The following PTPRK variants were observed in gnomAD, a reference collection of about 807,000 sequenced individuals.
PTPRK encodes the protein receptor-type tyrosine-protein phosphatase kappa.
PTPRK carries 75 observed loss-of-function variants against 178.0 expected under a neutral mutation model. The observed-to-expected ratio is 0.42, with a 90% CI of 0.35 to 0.51. PTPRK has a LOEUF of 0.51. Among genes scored for constraint, PTPRK ranks in the 20% least tolerant of loss-of-function variants. The pLI, the probability that PTPRK is intolerant of heterozygous loss-of-function variation, is 0.02. For synonymous variants in PTPRK, 637 were observed against 620.6 expected, an observed-to-expected ratio of 1.03 and a Z score of -0.39; for missense variants, 1,441 against 1,797.8, an observed-to-expected ratio of 0.80 and a Z score of 3.59.
At chr6:128,428,593 G>A (rs1844457880) in intron 1 of PTPRK, among the ~76,000 whole-genome samples, 2 of 152,120 alleles carry the variant, frequency 1.3e-5, no homozygotes, top group East Asian at 3.9e-4. Flanking sequence ...GTGAAGATCT[G>A]TGGTAAATAG....
chr6:127,985,896 A>G (rs748284005), intron 21 of PTPRK, 21 bp from the exon 22 acceptor site: 5 of 1,588,626 alleles, frequency 3.1e-6, no homozygotes, highest in Non-Finnish European at 4.3e-6. Context: ...ATGGAAAGAA[A>G]TGTTTTCAAA....
At chr6:128,159,150 A>AAAC (rs570725420) in intron 7 of PTPRK, among the ~76,000 whole-genome samples, 2 of 151,826 alleles carry the variant, frequency 1.3e-5, no homozygotes, top group Non-Finnish European at 2.9e-5. Flanking sequence ...ATTCAGTATA[A>AAAC]AACAACAACA....
In PTPRK at chr6:128,071,448, G is replaced by A. The variant is rs148818238; in HGVS notation, c.1884-3656C>T. ...TCTATAACATCACCCAGAAATACCC[G>A]TTTCAGTTTAAAATCTTGATATACA... On this transcript the variant is annotated intron_variant, in intron 11 of 29. Transcript: ENST00000368226. 1.1e-4 allele frequency among the ~76,000 whole-genome samples: 16 copies of A among 151,994 alleles called. No homozygotes were observed. In the East Asian group the frequency reaches 1.5e-3, roughly 15 times the overall value.
intron 1 of PTPRK, among the ~76,000 whole-genome samples, chr6:128,422,306 G>C (rs1426207534): frequency 6.6e-6 from 1 of 152,054 alleles, no homozygotes; most frequent in Non-Finnish European, 1.5e-5. Context: ...TATAACTACT[G>C]TGAAAGCTGA....
chr6:128,240,058 C>T lies in PTPRK; in HGVS notation c.670G>A (p.Val224Met), dbSNP rs767288000. 6.2e-7 allele frequency: 1 copy of T among 1,613,932 alleles called. No individual in the cohort carries two copies. Among genetic ancestry groups the T allele is most frequent in the Non-Finnish European group, 8.5e-7 (1 of 1,179,930 alleles). Reference protein sequence around the residue: ...FQCIATGRDAVHNKLWLQRRN... With the variant: ...FQCIATGRDAMHNKLWLQRRN... ...ACCTGGAGCCATAACTTGTTATGCA[C>T]AGCATCTCTCCCTGTGGCAATGCAC... Residue 224 changes from valine to methionine, a missense_variant, in exon 5 of 30, where the codon GTG (valine) becomes ATG (methionine). Coordinates refer to ENST00000368226, the MANE Select transcript of PTPRK (RefSeq NM_002844.4).
intron 13 of PTPRK, among the ~76,000 whole-genome samples, chr6:128,041,495 G>T (rs1478277545): frequency 6.6e-6 from 1 of 151,910 alleles, no homozygotes; most frequent in East Asian, 1.9e-4. Flanking sequence ...GGCCAAACTG[G>T]ATTTTAATAC....
Position 128,067,611 on chromosome 6 carries a change from C to T in PTPRK, c.2065G>A (p.Asp689Asn). The T allele has an allele frequency of 6.2e-7, 1 of 1,613,426 alleles. No homozygotes were observed. The highest frequency in any genetic ancestry group is 8.5e-7 in the Non-Finnish European group (1 of 1,179,538). The stretch of plus-strand genomic sequence containing the variant: ...CAAAAGCCTTGGTAGGTCCGATTGT[C>T]ACCCACAGTGAACGGGGCAGGCTCA... The part of the protein sequence containing the change: ...LPEPAPFTVG[D>N]NRTYQGFWNP... The change falls in exon 12 of 30, where the codon GAC becomes AAC. Residue 689 changes from aspartate to asparagine, a missense_variant. Coordinates refer to ENST00000368226, the MANE Select transcript of PTPRK (RefSeq NM_002844.4).
intron 7 of PTPRK, among the ~76,000 whole-genome samples, chr6:128,175,343 A>C (rs1285084746): frequency 6.6e-6 from 1 of 151,858 alleles, no homozygotes; most frequent in Non-Finnish European, 1.5e-5. Context: ...TACTTTCAAA[A>C]AGTAGTTGAA....
chr6:128,225,009 C>T (rs1241442061), intron 5 of PTPRK, among the ~76,000 whole-genome samples: 1 of 152,104 alleles, frequency 6.6e-6, no homozygotes, highest in African/African-American at 2.4e-5. Context: ...CTATTACTTT[C>T]AGCTTGAAAG....
chr6:128,517,556 T>C (rs1357114196), intron 1 of PTPRK, among the ~76,000 whole-genome samples: 1 of 152,190 alleles, frequency 6.6e-6, no homozygotes, highest in Non-Finnish European at 1.5e-5. Context: ...TTACAGAACG[T>C]TCTGGTTTTA....
At chr6:128,234,602 C>T (rs192341841) in intron 5 of PTPRK, among the ~76,000 whole-genome samples, 2 of 152,208 alleles carry the variant, frequency 1.3e-5, no homozygotes, top group African/African-American at 4.8e-5. Context: ...TGTCTGTCCT[C>T]TTTCCAAAAC....
Position 128,397,665 on chromosome 6 carries a change from G to C in PTPRK, c.124C>G (p.Pro42Ala), listed in dbSNP as rs1216983087. ...TCCTGGTGGTAATCACAGGCCCCTG[G>C]ACCATCATCAAAAGTACAGCCACCT... ...SAGGCTFDDG[P>A]GACDYHQDLY... Residue 42 changes from proline (P) to alanine (A), a missense_variant, in exon 2 of 30, where the codon CCA becomes GCA. Around this residue, in one of 4 missense-constraint regions of PTPRK, gnomAD observed 158 missense variants for 188.0 expected, o/e 0.84. Coordinates refer to ENST00000368226, the MANE Select transcript of PTPRK (RefSeq NM_002844.4). 6.2e-7 allele frequency: 1 copy of C among 1,613,020 alleles called. No individual in the cohort carries two copies. Among genetic ancestry groups the C allele is most frequent in the East Asian group, 2.2e-5 (1 of 44,856 alleles).
At chr6:128,213,685 G>A (rs190483824) in intron 6 of PTPRK, among the ~76,000 whole-genome samples, 2 of 152,070 alleles carry the variant, frequency 1.3e-5, no homozygotes, top group Admixed American at 6.6e-5. Context: ...GCTTGCTAAA[G>A]GTCTCAAGCT....
At chr6:128,427,310 C>A (rs924228320) in intron 1 of PTPRK, among the ~76,000 whole-genome samples, 4 of 152,124 alleles carry the variant, frequency 2.6e-5, no homozygotes, top group Non-Finnish European at 1.5e-5. Context: ...AATGACAGTT[C>A]CAAGATTTCA....
intron 2 of PTPRK, among the ~76,000 whole-genome samples, chr6:128,376,151 C>G (rs1837041238): frequency 6.6e-6 from 1 of 152,166 alleles, no homozygotes; most frequent in Admixed American, 6.5e-5. Flanking sequence ...CAGTAAGGTA[C>G]TCATTGTGGG....
In PTPRK at chr6:128,169,911, T is replaced by C. The variant is rs182885511; in HGVS notation, c.1162+14521A>G. On this transcript the variant is annotated intron_variant, in intron 7 of 29. Coordinates refer to ENST00000368226, the MANE Select transcript of PTPRK (RefSeq NM_002844.4). ...CACTTTCCAGAACTATATGGGATAATACAGTTTACTTTTTATTTGAAAAAC... is the reference window on the plus strand; with the variant it reads ...CACTTTCCAGAACTATATGGGATAACACAGTTTACTTTTTATTTGAAAAAC... Among the ~76,000 whole-genome samples, 257 of 151,966 alleles carry C rather than the reference T, an allele frequency of 1.7e-3. 1 individual carries two copies. The highest frequency in any genetic ancestry group is 5.9e-3 in the African/African-American group (244 of 41,500).
At chr6:128,224,871 A>C (rs899507029) in intron 5 of PTPRK, among the ~76,000 whole-genome samples, 1 of 152,200 alleles carries the variant, frequency 6.6e-6, no homozygotes, top group Admixed American at 6.5e-5. Context: ...ATGCTGATGC[A>C]CTCAGGATGG....
At chr6:128,419,607 G>A (rs1218759361) in intron 1 of PTPRK, among the ~76,000 whole-genome samples, 1 of 147,394 alleles carries the variant, frequency 6.8e-6, no homozygotes, top group Admixed American at 6.8e-5. Flanking sequence ...GCGAGACTCC[G>A]TCTCAAAAAA....
At chr6:128,236,982 G>C (rs1401585403) in intron 5 of PTPRK, among the ~76,000 whole-genome samples, 6 of 150,520 alleles carry the variant, frequency 4.0e-5, no homozygotes, top group Non-Finnish European at 8.9e-5. Flanking sequence ...TACTCAATTT[G>C]TATATTATTT....
Sources: allele counts gnomAD v4.1 joint callset (sites outside exome capture counted in the v4.1 genomes callset), GRCh38; gene constraint gnomAD v4.1.1; regional missense constraint gnomAD v4.1.1; transcripts MANE v1.5; gene names NCBI Gene and HGNC (gene_info 2026-07-23, HGNC 2026-07-21).